The following AKAP19 variants were observed in gnomAD, a reference collection of about 807,000 sequenced individuals.
AKAP19 encodes the protein small A-kinase anchoring protein.
At chr2:189,998,691 ATT>A in the AKAP19 span, among the ~76,000 whole-genome samples, 1 of 150,002 alleles carries the variant, frequency 6.7e-6, no homozygotes, top group South Asian at 2.1e-4. Context: ...CCAAAAACCA[ATT>A]TTTTACTTCA....
the AKAP19 span, among the ~76,000 whole-genome samples, chr2:190,192,274 T>G: frequency 6.6e-6 from 1 of 152,122 alleles, no homozygotes; most frequent in Non-Finnish European, 1.5e-5. Flanking sequence ...TTTATGGGTG[T>G]ATCTCTGGAC....
the AKAP19 span, chr2:190,150,495 T>C: frequency 2.0e-5 from 3 of 152,132 alleles, no homozygotes; most frequent in Non-Finnish European, 4.4e-5. Flanking sequence ...GCCTCTCCAG[T>C]GGGAGGTGTT....
the AKAP19 span, chr2:189,930,403 C>A: frequency 3.3e-6 from 1 of 306,358 alleles, no homozygotes; most frequent in East Asian, 9.3e-5. Context: ...TGGGGCTGGG[C>A]GCGGTGGCTT....
chr2:190,089,314 G>T, the AKAP19 span, among the ~76,000 whole-genome samples: 1 of 151,412 alleles, frequency 6.6e-6, no homozygotes, highest in Admixed American at 6.6e-5. Flanking sequence ...TGACTCTGGG[G>T]TCCTTCAGAA....
chr2:190,185,699 G>C, the AKAP19 span, among the ~76,000 whole-genome samples: 1 of 152,128 alleles, frequency 6.6e-6, no homozygotes, highest in Non-Finnish European at 1.5e-5. Context: ...ATGAAGTATT[G>C]ATACCTGGAC....
the AKAP19 span, among the ~76,000 whole-genome samples, chr2:189,975,716 G>A: frequency 9.2e-5 from 14 of 151,614 alleles, no homozygotes; most frequent in Middle Eastern, 3.4e-3. Flanking sequence ...TTCTCTTCTC[G>A]CTTCATTTCA....
At chr2:189,946,268 G>A in the AKAP19 span, among the ~76,000 whole-genome samples, 115 of 152,234 alleles carry the variant, frequency 7.6e-4, no homozygotes, top group Middle Eastern at 6.8e-3. Flanking sequence ...AGATACTTTT[G>A]TTTCTGATCT....
chr2:189,968,920 A>G, the AKAP19 span, among the ~76,000 whole-genome samples: 1 of 152,046 alleles, frequency 6.6e-6, no homozygotes, highest in Non-Finnish European at 1.5e-5. Flanking sequence ...AGTATAATAC[A>G]TATTATAGAA....
chr2:190,077,444 AATGTTAAC>A, the AKAP19 span, among the ~76,000 whole-genome samples: 85 of 151,930 alleles, frequency 5.6e-4, no homozygotes, highest in Middle Eastern at 6.8e-3. Flanking sequence ...AAACATTTAA[AATGTTAAC>A]ATGTTAACAT....
At chr2:189,978,548 C>T in the AKAP19 span, among the ~76,000 whole-genome samples, 6 of 152,204 alleles carry the variant, frequency 3.9e-5, no homozygotes, top group East Asian at 3.9e-4. Flanking sequence ...ACCTTGGAGG[C>T]GAAGTTTGCA....
chr2:190,003,665 A>G, the AKAP19 span, among the ~76,000 whole-genome samples: 1 of 152,014 alleles, frequency 6.6e-6, no homozygotes, highest in African/African-American at 2.4e-5. Context: ...GGGGTTCAAG[A>G]CCAGCCTGTC....
At chr2:190,200,261 T>C in the AKAP19 span, 2 of 823,320 alleles carry the variant, frequency 2.4e-6, no homozygotes, top group East Asian at 5.0e-5. Flanking sequence ...AAAATGTGTC[T>C]ACGATAATGT....
the AKAP19 span, among the ~76,000 whole-genome samples, chr2:190,043,955 T>C: frequency 1.3e-5 from 2 of 152,170 alleles, no homozygotes; most frequent in African/African-American, 4.8e-5. Context: ...GAAGGGAATA[T>C]GTTAGTGAGG....
At chr2:190,179,981 T>C in the AKAP19 span, among the ~76,000 whole-genome samples, 1 of 152,226 alleles carries the variant, frequency 6.6e-6, no homozygotes, top group Non-Finnish European at 1.5e-5. This position sits in a 1 kb window ranked among gnomAD's most constrained non-coding sequence, Gnocchi z 6.0. Flanking sequence ...AACTCAATAA[T>C]GGCCATGTTT....
At chr2:189,991,195 A>G in the AKAP19 span, among the ~76,000 whole-genome samples, 1 of 152,066 alleles carries the variant, frequency 6.6e-6, no homozygotes, top group African/African-American at 2.4e-5. Flanking sequence ...GACTTCTTTT[A>G]CTCTGAGTAG....
At chr2:190,197,583 T>C in the AKAP19 span, among the ~76,000 whole-genome samples, 1 of 152,180 alleles carries the variant, frequency 6.6e-6, no homozygotes, top group African/African-American at 2.4e-5. The surrounding 1 kb of genome is among the most constrained non-coding windows in gnomAD (Gnocchi z 4.0). Context: ...TCTCTGACTC[T>C]CCTGGGGCTC....
At chr2:190,087,006 T>C in the AKAP19 span, among the ~76,000 whole-genome samples, 2 of 152,274 alleles carry the variant, frequency 1.3e-5, no homozygotes, top group African/African-American at 4.8e-5. Context: ...GAGCACAACA[T>C]TGTGAGGTTG....
the AKAP19 span, among the ~76,000 whole-genome samples, chr2:190,143,732 T>G: frequency 6.6e-6 from 1 of 151,724 alleles, no homozygotes; most frequent in Admixed American, 6.6e-5. Flanking sequence ...GTATGTTTAT[T>G]GCGGCATTAT....
chr2:190,063,003 A>G, the AKAP19 span, among the ~76,000 whole-genome samples: 1 of 152,138 alleles, frequency 6.6e-6, no homozygotes, highest in East Asian at 1.9e-4. Flanking sequence ...CTGTACTTAA[A>G]TCTTACTAAT....
Sources: allele counts gnomAD v4.1 joint callset (sites outside exome capture counted in the v4.1 genomes callset), GRCh38; gene constraint gnomAD v4.1.1; non-coding constraint Gnocchi (gnomAD v3.1); transcripts MANE v1.5; gene names NCBI Gene and HGNC (gene_info 2026-07-23, HGNC 2026-07-21).